The following OLFM3 variants were observed in gnomAD, a reference collection of about 807,000 sequenced individuals.
The protein encoded by OLFM3 is noelin-3.
Under a neutral mutation model 48.6 loss-of-function variants are expected in OLFM3, and 20 were observed. The observed-to-expected ratio is 0.41, with a 90% confidence interval of 0.29 to 0.60. The LOEUF is 0.60. OLFM3 is among the 20% of genes least tolerant of loss of function. The pLI is 0.28. For synonymous variants in OLFM3, 222 were observed against 198.1 expected (o/e 1.12, Z -1.01); for missense variants, 437 against 544.3 (o/e 0.80, Z 1.96).
chr1:101,980,847 G>A (rs1316957616), intron 1 of OLFM3, among the ~76,000 whole-genome samples: 1 of 151,926 alleles, frequency 6.6e-6, no homozygotes, highest in Non-Finnish European at 1.5e-5. Flanking sequence ...CATAGGGTCA[G>A]TGAAAAAAAA....
chr1:101,892,808 G>A (rs1165310613), intron 1 of OLFM3, among the ~76,000 whole-genome samples: 1 of 151,992 alleles, frequency 6.6e-6, no homozygotes, highest in Admixed American at 6.6e-5. Flanking sequence ...TGGCAAACAG[G>A]CTCTTTCCAA....
intron 1 of OLFM3, among the ~76,000 whole-genome samples, chr1:101,971,182 G>C (rs370156357): frequency 6.6e-6 from 1 of 152,180 alleles, no homozygotes; most frequent in Non-Finnish European, 1.5e-5. Context: ...GGCATCAATT[G>C]TTCTGGTCTG....
intron 1 of OLFM3, among the ~76,000 whole-genome samples, chr1:101,933,237 A>C (rs1018231360): frequency 2.0e-5 from 3 of 150,540 alleles, no homozygotes; most frequent in African/African-American, 7.3e-5. Flanking sequence ...AAAGAGAAAA[A>C]AGATGAAATG....
intron 2 of OLFM3, among the ~76,000 whole-genome samples, chr1:101,831,622 G>C (rs893818018): frequency 6.6e-6 from 1 of 152,130 alleles, no homozygotes; most frequent in African/African-American, 2.4e-5. Flanking sequence ...GTTAAATAGA[G>C]AAATAGAATA....
At chr1:101,846,242 A>G (rs1332154716) in intron 1 of OLFM3, among the ~76,000 whole-genome samples, 1 of 152,224 alleles carries the variant, frequency 6.6e-6, no homozygotes, top group African/African-American at 2.4e-5. Context: ...TTCATAAAAT[A>G]TTAAAAATAC....
At chr1:101,845,523 ATGT>A (rs1655952206) in intron 1 of OLFM3, among the ~76,000 whole-genome samples, 3 of 152,294 alleles carry the variant, frequency 2.0e-5, no homozygotes, top group East Asian at 1.9e-4. Flanking sequence ...TTCAACAATG[ATGT>A]TGTTGAAATC....
chr1:101,969,348 G>T (rs1216182364), intron 1 of OLFM3, among the ~76,000 whole-genome samples: 13 of 145,894 alleles, frequency 8.9e-5, no homozygotes, highest in Admixed American at 8.2e-4. Context: ...TGTATTTTTA[G>T]TAGAGGCAAG....
chr1:101,831,875 A>C (rs1414369931), intron 2 of OLFM3, among the ~76,000 whole-genome samples: 1 of 152,188 alleles, frequency 6.6e-6, no homozygotes, highest in Non-Finnish European at 1.5e-5. Flanking sequence ...GATCTTCATA[A>C]AATTTGATCT....
intron 1 of OLFM3, among the ~76,000 whole-genome samples, chr1:101,959,281 G>A (rs1218876531): frequency 6.6e-6 from 1 of 151,648 alleles, no homozygotes; most frequent in Non-Finnish European, 1.5e-5. Context: ...ATAGGTCCTA[G>A]ACTTTGGAAA....
intron 1 of OLFM3, among the ~76,000 whole-genome samples, chr1:101,949,910 C>T (rs990787464): frequency 3.3e-5 from 4 of 120,714 alleles, no homozygotes; most frequent in African/African-American, 6.4e-5. Context: ...CCAGCCTGGG[C>T]AACAGAGCAA....
At chr1:101,847,065 C>G in intron 1 of OLFM3, 2 of 1,489,306 alleles carry the variant, frequency 1.3e-6, no homozygotes, top group Non-Finnish European at 1.8e-6. Context: ...GCCACATCTA[C>G]AGCATGAAAA....
intron 4 of OLFM3, among the ~76,000 whole-genome samples, chr1:101,809,798 C>T (rs1207783394): frequency 6.6e-6 from 1 of 151,932 alleles, no homozygotes; most frequent in Non-Finnish European, 1.5e-5. Context: ...TGGTAATAGC[C>T]TCCATTGAAT....
chr1:101,866,652 A>G (rs1363780707), intron 1 of OLFM3, among the ~76,000 whole-genome samples: 2 of 151,930 alleles, frequency 1.3e-5, no homozygotes, highest in Non-Finnish European at 2.9e-5. Flanking sequence ...AAATTACTTA[A>G]ATAAGCATTC....
chr1:101,901,795 A>C (rs2101018855), intron 1 of OLFM3, among the ~76,000 whole-genome samples: 1 of 152,238 alleles, frequency 6.6e-6, no homozygotes, highest in East Asian at 1.9e-4. Context: ...GTACTTCAAT[A>C]GAAACAGGAG....
chr1:101,989,081 G>A (rs12049465), intron 1 of OLFM3, among the ~76,000 whole-genome samples: 121,493 of 151,956 alleles, frequency 0.8, 48,804 homozygotes, highest in East Asian at 0.96. Context: ...AGGAATGTCA[G>A]GGAAGAATTT....
intron 1 of OLFM3, among the ~76,000 whole-genome samples, chr1:101,988,477 C>A (rs1483486747): frequency 6.6e-6 from 1 of 152,038 alleles, no homozygotes; most frequent in Non-Finnish European, 1.5e-5. Context: ...AGATAAGTAA[C>A]CTGGCATAAG....
intron 2 of OLFM3, 26 bp from the exon 3 acceptor site, chr1:101,830,853 C>T: frequency 1.9e-6 from 3 of 1,599,964 alleles, no homozygotes; most frequent in Non-Finnish European, 1.7e-6. Flanking sequence ...ATTGTCTGTA[C>T]ATTATTATCT....
intron 2 of OLFM3, 60 bp from the exon 3 acceptor site, chr1:101,830,887 A>T: frequency 6.8e-7 from 1 of 1,472,518 alleles, no homozygotes; most frequent in Non-Finnish European, 9.2e-7. Flanking sequence ...TGCAATCACT[A>T]AGAAATAGCA....
chr1:101,910,841 AT>A (rs1658736786), intron 1 of OLFM3, among the ~76,000 whole-genome samples: 1 of 152,202 alleles, frequency 6.6e-6, no homozygotes, highest in Admixed American at 6.5e-5. Flanking sequence ...AATCACTACT[AT>A]TTCCAGATTA....
Sources: gnomAD v4.1 joint callset for allele counts (sites outside exome capture counted in the v4.1 genomes callset) on GRCh38, gnomAD v4.1.1 for gene constraint, MANE v1.5 for transcripts, NCBI Gene and HGNC (gene_info 2026-07-23, HGNC 2026-07-21) for gene names.